Variants in NAV3 observed in about 807,000 individuals in gnomAD.
NAV3 encodes neuron navigator 3, also known as pore membrane and/or filament interacting like protein 1.
A neutral mutation model predicts 244.7 loss-of-function variants in NAV3; 87 were observed. The ratio of observed to expected loss-of-function variants is 0.36; its 90% CI spans 0.30 to 0.42. The LOEUF is 0.42. NAV3 is among the 20% of genes least tolerant of loss of function. NAV3 has a pLI of 1.00. For synonymous variants in NAV3, 1,126 were observed against 1,042.2 expected, an observed-to-expected ratio of 1.08 and a Z score of -1.55; for missense variants, 2,663 against 2,893.3, an observed-to-expected ratio of 0.92 and a Z score of 1.83.
chr12:77,880,981 C>A (rs1268262751), intron 1 of NAV3, among the ~76,000 whole-genome samples: 2 of 152,100 alleles, frequency 1.3e-5, no homozygotes, highest in African/African-American at 4.8e-5. Context: ...GAATTGAGGT[C>A]TTGCTATTGC....
Position 78,082,689 on chromosome 12 carries a change from A to C in NAV3, c.2636+23574A>C, listed in dbSNP as rs1185910717. Among the ~76,000 whole-genome samples, 7 of 152,288 alleles carry C rather than the reference A, an allele frequency of 4.6e-5. 1 individual carries two copies. In the Middle Eastern group the frequency reaches 0.01, roughly 222 times the overall value. Reference sequence around the variant, plus strand: ...GATTATCCCTGATACCCATAACCCTACAAACTTATAACCCTCCAAATTCTC... The same window carrying C: ...GATTATCCCTGATACCCATAACCCTCCAAACTTATAACCCTCCAAATTCTC... On this transcript the variant is annotated intron_variant, in intron 12 of 39. Transcript: ENST00000397909.
At chr12:77,636,954 C>G (rs1163442174) in intron 2 of NAV3, among the ~76,000 whole-genome samples, 1 of 151,768 alleles carries the variant, frequency 6.6e-6, no homozygotes, top group East Asian at 1.9e-4. Context: ...AACACATGGA[C>G]ACAGGGAGGG....
At position 78,006,642 on chromosome 12, in the gene NAV3, A is replaced by G. The variant is rs375866701; in HGVS notation, c.1104A>G (p.Pro368=). The G allele has an allele frequency of 1.9e-6, 3 of 1,613,982 alleles. No individual in the cohort carries two copies. The highest frequency in any genetic ancestry group is 1.1e-5 in the South Asian group (1 of 91,090). ...CACCATCTTCAGACAGACTGAAGCC[A>G]CCTGTCTCAGAAGGGGTCAAAACTG... ...SPTPSSDRLK[P]PVSEGVKTAP... is the part of the protein sequence containing the mutation. The change falls in exon 8 of 40, where the codon CCA becomes CCG. Residue 368 remains proline (P), a synonymous_variant. Transcript: ENST00000397909.
Position 78,148,866 on chromosome 12 carries a change from C to A in NAV3, c.4732C>A (p.Leu1578Met), listed in dbSNP as rs763259930. 6.2e-7 allele frequency: 1 copy of A among 1,612,598 alleles called. No homozygotes were observed. The highest frequency in any genetic ancestry group is 8.5e-7 in the Non-Finnish European group (1 of 1,179,234). ...GCAAATCCATAAACTGCGGAGAGAG[C>A]TGGTTGCATCACAAGAAAAAGTTGC... is the stretch of plus-strand genomic sequence containing the variant. Reference protein sequence around the residue: ...SEQIHKLRRELVASQEKVATL... With the variant: ...SEQIHKLRREMVASQEKVATL... Residue 1578 changes from leucine to methionine, a missense_variant, in exon 22 of 40, where the codon CTG (leucine) becomes ATG (methionine). Around this residue, in one of 6 missense-constraint regions of NAV3, gnomAD observed 48 missense variants for 90.0 expected, o/e 0.53. Coordinates refer to ENST00000397909, the MANE Select transcript of NAV3 (RefSeq NM_001024383.2).
At chr12:77,902,966 A>G (rs1333848359) in intron 1 of NAV3, among the ~76,000 whole-genome samples, 2 of 152,202 alleles carry the variant, frequency 1.3e-5, no homozygotes, top group Non-Finnish European at 2.9e-5. Context: ...AAGGAGAACT[A>G]TAAACCACTG....
chr12:77,829,689 G>T (rs1489750008), upstream of NAV3, among the ~76,000 whole-genome samples: 3 of 152,058 alleles, frequency 2.0e-5, no homozygotes, highest in East Asian at 5.8e-4. Context: ...AGCCCACTTG[G>T]GTTACTATTT....
At chr12:77,916,460 A>G (rs1887156758) in intron 1 of NAV3, among the ~76,000 whole-genome samples, 1 of 152,054 alleles carries the variant, frequency 6.6e-6, no homozygotes, top group Non-Finnish European at 1.5e-5. Context: ...AGAAGAAAAG[A>G]TGTGAAGAGA....
intron 2 of NAV3, among the ~76,000 whole-genome samples, chr12:77,784,378 G>A (rs944797784): frequency 2.0e-5 from 3 of 152,128 alleles, no homozygotes; most frequent in African/African-American, 7.2e-5. Flanking sequence ...CATGTAGAAT[G>A]TACAATAGAA....
chr12:77,647,065 T>TACACAC (rs113864567), intron 2 of NAV3, among the ~76,000 whole-genome samples: 51 of 130,498 alleles, frequency 3.9e-4, no homozygotes, highest in African/African-American at 1.7e-3. Context: ...AACATATATA[T>TACACAC]ATACACACAC....
chr12:77,776,682 A>G (rs1344918553), intron 2 of NAV3, among the ~76,000 whole-genome samples: 1 of 152,160 alleles, frequency 6.6e-6, no homozygotes, highest in Non-Finnish European at 1.5e-5. Flanking sequence ...GACCAAATCT[A>G]AACAAATTAG....
intron 9 of NAV3, among the ~76,000 whole-genome samples, chr12:78,031,318 G>C (rs1426714632): frequency 2.0e-5 from 3 of 152,128 alleles, no homozygotes; most frequent in Non-Finnish European, 4.4e-5. Context: ...CCCATCTTCT[G>C]ATAACAGCAC....
chr12:78,190,229 A>C lies in NAV3; in HGVS notation c.6291+10A>C. 2 of 1,598,320 alleles carry C rather than the reference A, an allele frequency of 1.3e-6. No individual in the cohort carries two copies. The highest frequency in any genetic ancestry group is 1.1e-5 in the South Asian group (1 of 90,290). ...CCACAAGTCAAGTAAGGTATGTTAC[A>C]GAATTCTAAGAGAACAGCTACAATT... On this transcript the variant is annotated intron_variant, in intron 34 of 39. Coordinates refer to ENST00000397909, the MANE Select transcript of NAV3 (RefSeq NM_001024383.2).
At chr12:77,774,163 G>A (rs1870236722) in intron 2 of NAV3, among the ~76,000 whole-genome samples, 1 of 152,166 alleles carries the variant, frequency 6.6e-6, no homozygotes, top group Non-Finnish European at 1.5e-5. Flanking sequence ...AACAGCATAT[G>A]TAAGTTGCCC....
At chr12:78,194,181 T>C (rs1198947481) in intron 34 of NAV3, among the ~76,000 whole-genome samples, 1 of 152,150 alleles carries the variant, frequency 6.6e-6, no homozygotes, top group African/African-American at 2.4e-5. Flanking sequence ...ATCCTACACA[T>C]ATGTTTCTAT....
intron 1 of NAV3, among the ~76,000 whole-genome samples, chr12:77,872,118 C>T (rs1881059000): frequency 6.6e-6 from 1 of 152,122 alleles, no homozygotes; most frequent in Non-Finnish European, 1.5e-5. Context: ...ATACTTCACC[C>T]ACTTTTTGAT....
At chr12:78,085,056 A>T (rs538968356) in intron 12 of NAV3, among the ~76,000 whole-genome samples, 1 of 152,180 alleles carries the variant, frequency 6.6e-6, no homozygotes, top group Admixed American at 6.6e-5. Flanking sequence ...ACATAATTAG[A>T]TTGTGTTCCT....
intron 2 of NAV3, among the ~76,000 whole-genome samples, chr12:77,776,403 C>A (rs922303416): frequency 3.3e-5 from 5 of 152,152 alleles, no homozygotes; most frequent in African/African-American, 1.2e-4. Flanking sequence ...CAATTGAGAA[C>A]GTAACGAAGG....
intron 2 of NAV3, among the ~76,000 whole-genome samples, chr12:77,767,898 C>T (rs1481018067): frequency 6.6e-6 from 1 of 152,192 alleles, no homozygotes; most frequent in Non-Finnish European, 1.5e-5. Context: ...TCAGTTCCAC[C>T]ATTTGGCAGG....
chr12:78,020,535 CTT>C (rs1219841922), intron 8 of NAV3, among the ~76,000 whole-genome samples: 3 of 152,004 alleles, frequency 2.0e-5, no homozygotes, highest in African/African-American at 7.2e-5. Flanking sequence ...TTGTATAGTT[CTT>C]TCTTTCATAT....
Sources: gnomAD v4.1 joint callset for allele counts (sites outside exome capture counted in the v4.1 genomes callset) on GRCh38, gnomAD v4.1.1 for gene constraint, gnomAD v4.1.1 regional missense constraint, MANE v1.5 for transcripts, NCBI Gene and HGNC (gene_info 2026-07-23, HGNC 2026-07-21) for gene names.